GGT7: variants seen among roughly 807,000 people sequenced by gnomAD.
GGT7 encodes the protein glutathione hydrolase 7.
In GGT7, 30 loss-of-function variants were observed where a neutral mutation model predicts 69.2. That is an observed-to-expected ratio of 0.43 (90% CI 0.32 to 0.59). GGT7 has a LOEUF of 0.59. Ranked by LOEUF, GGT7 falls within the 20% of genes least tolerant of loss-of-function variation. The pLI is 0.05. For missense variants in GGT7, 733 were observed against 901.1 expected, an observed-to-expected ratio of 0.81 and a Z score of 2.39; for synonymous variants, 388 against 391.8, an observed-to-expected ratio of 0.99 and a Z score of 0.12.
Position 34,872,640 on chromosome 20 carries a change from G to A in GGT7, c.169+7C>T. The A allele has an allele frequency of 1.4e-6, 2 of 1,458,390 alleles. No individual in the cohort carries two copies. Among genetic ancestry groups the A allele is most frequent in the Non-Finnish European group, 9.0e-7 (1 of 1,107,002 alleles). 90.3% of individuals were successfully genotyped at this position (1,458,390 alleles called of 1,614,324 possible). ...GGCAGGGCAGGGACGGGGTCAGCGG[G>A]CCTCACCGGTGTCGGGGTCTCCCAG... On this transcript the variant is annotated splice_region_variant and intron_variant, in intron 1 of 14. Transcript: ENST00000336431.
intron 3 of GGT7, among the ~76,000 whole-genome samples, chr20:34,861,832 G>A (rs2079600930): frequency 6.6e-6 from 1 of 152,104 alleles, no homozygotes. Context: ...AAAGCCCAGA[G>A]ACTGGCAGAA....
At chr20:34,858,729 CCTAGAAAA>C in intron 7 of GGT7, among the ~76,000 whole-genome samples, 1 of 152,262 alleles carries the variant, frequency 6.6e-6, no homozygotes, top group Non-Finnish European at 1.5e-5. Context: ...TCCCTCAGTC[CCTAGAAAA>C]CCCAAAAGCA....
chr20:34,872,386 G>C (rs2146936531), intron 1 of GGT7: 1 of 344,908 alleles, frequency 2.9e-6, no homozygotes, highest in Non-Finnish European at 5.2e-6. Flanking sequence ...TTCATCGTTA[G>C]TTGGTTCTTC....
chr20:34,850,944 G>GGTTA, intron 13 of GGT7: 1 of 673,874 alleles, frequency 1.5e-6, no homozygotes, highest in Non-Finnish European at 2.7e-6. Context: ...TGGGACTTGA[G>GGTTA]GTTAACAGAA....
chr20:34,863,494 G>A lies in GGT7; in HGVS notation c.224C>T (p.Ser75Leu). Reference sequence around the variant, plus strand: ...CGACCCGTCTTGGCTGCCCATCTCCGACGACGACGATGGCAGCCGCTGCAG... The same window carrying A: ...CGACCCGTCTTGGCTGCCCATCTCCAACGACGACGATGGCAGCCGCTGCAG... The part of the protein sequence containing the change: ...ARLQRLPSSS[S>L]EMGSQDGSPL... The change falls in exon 2 of 15, where the codon TCG becomes TTG. Residue 75 changes from serine to leucine, a missense_variant. Transcript: ENST00000336431. The surrounding 1 kb of genome is among the most constrained non-coding windows in gnomAD (Gnocchi z 4.4). 1 of 1,603,112 alleles carries A rather than the reference G, an allele frequency of 6.2e-7. No individual in the cohort carries two copies. The highest frequency in any genetic ancestry group is 1.1e-5 in the South Asian group (1 of 89,934).
rs181131392 is a variant in GGT7 at position 34,861,766 on chromosome 20, C to G, written c.558-204G>C. Among the ~76,000 whole-genome samples, 3 of 152,252 alleles carry G rather than the reference C, an allele frequency of 2.0e-5. No homozygotes were observed. In the East Asian group the frequency reaches 5.8e-4, roughly 29 times the overall value. On this transcript the variant is annotated intron_variant, in intron 3 of 14. Transcript: ENST00000336431. ...AGCAAAACCAAGAGGGTTGGAGACC[C>G]AGGGTCCATGGACCTCTTCTATCCT...
Position 34,852,515 on chromosome 20 carries a change from C to G in GGT7, c.1343G>C (p.Arg448Pro). Reference protein sequence around the residue: ...MLSKVEAAYLRGHINDSQAAP... With the variant: ...MLSKVEAAYLPGHINDSQAAP... Reference sequence around the variant, plus strand: ...TGCCTGGGAGTCATTGATATGGCCCCGGAGGTAGGCGGCCTCCACCTTGCT... The same window carrying G: ...TGCCTGGGAGTCATTGATATGGCCCGGGAGGTAGGCGGCCTCCACCTTGCT... The change falls in exon 11 of 15, where the codon CGG (arginine) becomes CCG (proline). Residue 448 changes from arginine (R) to proline (P), a missense_variant. Coordinates refer to ENST00000336431, the MANE Select transcript of GGT7 (RefSeq NM_178026.3). The G allele has an allele frequency of 6.3e-7, 1 of 1,586,556 alleles. No individual in the cohort carries two copies. Among genetic ancestry groups the G allele is most frequent in the Non-Finnish European group, 8.6e-7 (1 of 1,167,292 alleles).
Position 34,852,405 on chromosome 20 carries a change from T to C in GGT7, c.1453A>G (p.Ile485Val), listed in dbSNP as rs777588293. 5 of 1,613,944 alleles carry C rather than the reference T, an allele frequency of 3.1e-6. No individual in the cohort carries two copies. The highest frequency in any genetic ancestry group is 3.3e-5 in the Admixed American group (2 of 59,996). ...QVLIMGPDDF[I>V]VAMVSSLNQP... is the part of the protein sequence containing the mutation. ...CTGGCATACCTAACCATGGCCACAATGAAGTCATCAGGTCCCATGATCAGC... is the reference window on the plus strand; with the variant it reads ...CTGGCATACCTAACCATGGCCACAACGAAGTCATCAGGTCCCATGATCAGC... The change falls in exon 11 of 15, where the codon ATT (isoleucine) becomes GTT (valine). Residue 485 changes from isoleucine (I) to valine (V), a missense_variant. Physicochemically the swap from Ile to Val is conservative, Grantham distance 29. Transcript: ENST00000336431.
rs2079623932 is a variant in GGT7, at chr20:34,862,981, G to A, written c.406-16C>T. The stretch of plus-strand genomic sequence containing the variant: ...GCTGGAAGATCTGGGAGGGGAAAGA[G>A]GACTTGGTGGGGGCAGGAGGAGCTG... On this transcript the variant is annotated splice_polypyrimidine_tract_variant and intron_variant, in intron 2 of 14. Transcript: ENST00000336431. 1.2e-6 allele frequency: 2 copies of A among 1,606,722 alleles called. No individual in the cohort carries two copies. The highest frequency in any genetic ancestry group is 4.5e-5 in the East Asian group (2 of 44,606).
rs1324213787 is a variant in GGT7, at chr20:34,851,213, C to A, written c.1725+18G>T. 6.2e-6 allele frequency: 10 copies of A among 1,611,894 alleles called. No homozygotes were observed. Among genetic ancestry groups the A allele is most frequent in the Non-Finnish European group, 8.5e-6 (10 of 1,179,860 alleles). On this transcript the variant is annotated intron_variant, in intron 13 of 14. Coordinates refer to ENST00000336431, the MANE Select transcript of GGT7 (RefSeq NM_178026.3). The stretch of plus-strand genomic sequence containing the variant: ...TTGGCTCCCGGCTGAAAAAGGCCAA[C>A]CATGGCGTAAACCTCACCTGTGTCA...
rs1601249349 is a variant in GGT7 at position 34,869,818 on chromosome 20, A to G, written c.169+2829T>C. 3.3e-5 allele frequency among the ~76,000 whole-genome samples: 5 copies of G among 152,298 alleles called. 1 individual carries two copies. The highest frequency in any genetic ancestry group is 3.3e-4 in the Admixed American group (5 of 15,290). ...AGCAGGTGCATGGGGAAGGGATATGATGAGTTCAAAATAGAACATGCTATA... is the reference window on the plus strand; with the variant it reads ...AGCAGGTGCATGGGGAAGGGATATGGTGAGTTCAAAATAGAACATGCTATA... On this transcript the variant is annotated intron_variant, in intron 1 of 14. Coordinates refer to ENST00000336431, the MANE Select transcript of GGT7 (RefSeq NM_178026.3).
intron 8 of GGT7, 88 bp downstream of exon 8, chr20:34,856,718 G>C (rs899539752): frequency 1.3e-6 from 1 of 754,994 alleles, no homozygotes; most frequent in Admixed American, 2.0e-5. Flanking sequence ...CCTGTGAAAT[G>C]GAGAGGAGTC....
In GGT7 at chr20:34,852,499, G is replaced by C; in HGVS notation, c.1359C>G (p.Asp453Glu). Residue 453 changes from aspartate to glutamate, a missense_variant, in exon 11 of 15, where the codon GAC (aspartate) becomes GAG (glutamate). Coordinates refer to ENST00000336431, the MANE Select transcript of GGT7 (RefSeq NM_178026.3). Reference sequence around the variant, plus strand: ...GGAGTGGGGCAGGGGCTGCCTGGGAGTCATTGATATGGCCCCGGAGGTAGG... The same window carrying C: ...GGAGTGGGGCAGGGGCTGCCTGGGACTCATTGATATGGCCCCGGAGGTAGG... ...EAAYLRGHIN[D>E]SQAAPAPLLP... is the part of the protein sequence containing the mutation. 6.2e-7 allele frequency: 1 copy of C among 1,602,322 alleles called. No homozygotes were observed. The highest frequency in any genetic ancestry group is 8.5e-7 in the Non-Finnish European group (1 of 1,174,898).
chr20:34,866,660 A>G (rs1404000484), intron 1 of GGT7, among the ~76,000 whole-genome samples: 1 of 151,716 alleles, frequency 6.6e-6, no homozygotes, highest in Non-Finnish European at 1.5e-5. Flanking sequence ...GCTCACTGCA[A>G]CCTCCATCTC....
chr20:34,860,853 C>T (rs1448699885), intron 4 of GGT7, among the ~76,000 whole-genome samples: 2 of 152,118 alleles, frequency 1.3e-5, no homozygotes, highest in Admixed American at 1.3e-4. Flanking sequence ...AATCCTCCTG[C>T]CTTGGCTTCC....
Position 34,845,177 on chromosome 20 carries a change from C to A in GGT7, c.*151G>T. 1.1e-5 allele frequency: 4 copies of A among 364,170 alleles called. No homozygotes were observed. The highest frequency in any genetic ancestry group is 9.8e-6 in the Non-Finnish European group (2 of 204,514). 22.6% of individuals were successfully genotyped at this position (364,170 alleles called of 1,614,324 possible). On this transcript the variant is annotated 3_prime_UTR_variant, in exon 15 of 15. Coordinates refer to ENST00000336431, the MANE Select transcript of GGT7 (RefSeq NM_178026.3). ...CACAGGCCTCCTGATGGAGAATTTT[C>A]CAGTTACTCTGGGATTGGGTTTGCT... is the stretch of plus-strand genomic sequence containing the variant.
Position 34,845,144 on chromosome 20 carries a change from A to ACCACCCCCACCACCC in GGT7, c.*183_*184insGGGTGGTGGGGGTGG. The ACCACCCCCACCACCC allele has an allele frequency of 3.2e-6, 1 of 309,680 alleles. No individual in the cohort carries two copies. The highest frequency in any genetic ancestry group is 6.0e-6 in the Non-Finnish European group (1 of 165,354). 19.2% of individuals were successfully genotyped at this position (309,680 alleles called of 1,614,324 possible). ...CACCACCACCACCACCACCACCACC[A>ACCACCCCCACCACCC]CCACCACCACAGGCCTCCTGATGGA... On this transcript the variant is annotated 3_prime_UTR_variant, in exon 15 of 15. Coordinates refer to ENST00000336431, the MANE Select transcript of GGT7 (RefSeq NM_178026.3).
At chr20:34,851,127 G>T in intron 13 of GGT7, 104 bp downstream of exon 13, 1 of 1,415,960 alleles carries the variant, frequency 7.1e-7, no homozygotes, top group Non-Finnish European at 9.9e-7. Flanking sequence ...GCCCATGTTT[G>T]CCGCATGAGG....
At chr20:34,871,329 C>A (rs775060543) in intron 1 of GGT7, among the ~76,000 whole-genome samples, 1 of 152,082 alleles carries the variant, frequency 6.6e-6, no homozygotes, top group Non-Finnish European at 1.5e-5. Context: ...TGCCTGTTGT[C>A]GCTTGGTGAG....
Sources: allele counts gnomAD v4.1 joint callset (sites outside exome capture counted in the v4.1 genomes callset), GRCh38; gene constraint gnomAD v4.1.1; non-coding constraint Gnocchi (gnomAD v3.1); transcripts MANE v1.5; gene names NCBI Gene and HGNC (gene_info 2026-07-23, HGNC 2026-07-21).